OTUD7A: variants seen among roughly 807,000 people sequenced by gnomAD.
OTUD7A encodes OTU deubiquitinase 7A, also known as OTU domain-containing protein 7A.
Under a neutral mutation model 65.7 loss-of-function variants are expected in OTUD7A, and 12 were observed. The ratio of observed to expected loss-of-function variants is 0.18; its 90% CI spans 0.12 to 0.30. OTUD7A has a LOEUF of 0.30. Among genes scored for constraint, OTUD7A ranks in the 10% least tolerant of loss-of-function variants. OTUD7A has a pLI of 1.00. For missense variants in OTUD7A, 1,148 were observed against 1,304.8 expected (o/e 0.88, Z 1.85); for synonymous variants, 641 against 586.3 (o/e 1.09, Z -1.35).
intron 7 of OTUD7A, 28 bp from the exon 8 acceptor site, chr15:31,526,489 G>C (rs1009559683): frequency 3.7e-5 from 57 of 1,523,082 alleles, no homozygotes; most frequent in Non-Finnish European, 4.7e-5. Context: ...GCTCAGAAGG[G>C]GGGTGGGCCA....
intron 3 of OTUD7A, among the ~76,000 whole-genome samples, chr15:31,572,913 C>T (rs1889095489): frequency 6.6e-6 from 1 of 151,512 alleles, no homozygotes; most frequent in Non-Finnish European, 1.5e-5. Context: ...CCAACATACT[C>T]ATAATTTGAG....
Position 31,483,915 on chromosome 15 carries a change from C to A in OTUD7A, c.2181G>T (p.Lys727Asn). The change falls in exon 13 of 13, where the codon AAG (lysine) becomes AAT (asparagine). Residue 727 changes from lysine to asparagine, a missense_variant. By Grantham distance (94) the Lys-to-Asn change is moderately conservative. Around this residue, in one of 6 missense-constraint regions of OTUD7A, gnomAD observed 842 missense variants for 769.5 expected, o/e 1.09. Transcript: ENST00000307050. Reference protein sequence around the residue: ...SPGPPTQLVLKLKERPSPGPA... With the variant: ...SPGPPTQLVLNLKERPSPGPA... ...GCCCGGGGCTCGGCCGCTCCTTGAG[C>A]TTGAGCACCAGCTGCGTGGGTGGGC... 9.4e-7 allele frequency: 1 copy of A among 1,068,068 alleles called. No homozygotes were observed. The highest frequency in any genetic ancestry group is 3.0e-5 in the South Asian group (1 of 33,160). The allele number at this position is 1,068,068 out of a possible 1,614,324, so 66.2% of individuals were successfully genotyped here. A position where few individuals can be genotyped will look rare whatever the true frequency, so the allele number is the denominator to read the frequency against.
intron 5 of OTUD7A, among the ~76,000 whole-genome samples, chr15:31,533,425 T>G (rs569632756): frequency 1.3e-5 from 2 of 151,974 alleles, no homozygotes. Flanking sequence ...TTAGTAGAGA[T>G]AGAGTTTTAC....
intron 3 of OTUD7A, among the ~76,000 whole-genome samples, chr15:31,571,134 C>G (rs1013948703): frequency 6.6e-6 from 1 of 152,118 alleles, no homozygotes; most frequent in African/African-American, 2.4e-5. Context: ...ATCAAAATAT[C>G]ACATCTGCCC....
intron 5 of OTUD7A, among the ~76,000 whole-genome samples, chr15:31,549,786 C>A (rs1888259109): frequency 6.6e-6 from 1 of 152,146 alleles, no homozygotes; most frequent in Non-Finnish European, 1.5e-5. Flanking sequence ...AAGCAGTAAA[C>A]AACTTCACTG....
intron 1 of OTUD7A, among the ~76,000 whole-genome samples, chr15:31,827,995 T>A (rs1210025391): frequency 6.6e-6 from 1 of 152,168 alleles, no homozygotes; most frequent in African/African-American, 2.4e-5. Context: ...TGTGGTCCTA[T>A]CCTGTCCATG....
At chr15:31,856,312 G>T (rs2141010480) in intron 1 of OTUD7A, among the ~76,000 whole-genome samples, 1 of 152,282 alleles carries the variant, frequency 6.6e-6, no homozygotes, top group South Asian at 2.1e-4. Context: ...ATGCCTCCTG[G>T]GAAAGGCATG....
rs58276599 is a variant in OTUD7A at position 31,589,463 on chromosome 15, G to GTTTTTTTT, written c.152-19274_152-19267dup. 6.0e-5 allele frequency among the ~76,000 whole-genome samples: 7 copies of GTTTTTTTT among 116,348 alleles called. 1 individual carries two copies. Among genetic ancestry groups the GTTTTTTTT allele is most frequent in the African/African-American group, 1.4e-4 (4 of 28,786 alleles). 76.3% of individuals were successfully genotyped at this position (116,348 alleles called of 152,430 possible). On this transcript the variant is annotated intron_variant, in intron 3 of 12. Transcript: ENST00000307050. ...TACAGGTGTCCACTGTCCTGGGCTT[G>GTTTTTTTT]TTTTTTTTTTTTTTTTTTCTGTAGA...
In OTUD7A at chr15:31,487,165, A is replaced by C. The variant is rs773456648; in HGVS notation, c.1371+29T>G. Reference sequence around the variant, plus strand: ...GCTGAGCAGCCTGGACCCTGCTGCCAGGTCTGGTCCCAGCACAGCCAGGCT... The same window carrying C: ...GCTGAGCAGCCTGGACCCTGCTGCCCGGTCTGGTCCCAGCACAGCCAGGCT... On this transcript the variant is annotated intron_variant, in intron 12 of 12. Coordinates refer to ENST00000307050, the MANE Select transcript of OTUD7A (RefSeq NM_001382637.1). The surrounding 1 kb of genome is among the most constrained non-coding windows in gnomAD (Gnocchi z 6.0). 4 of 1,601,088 alleles carry C rather than the reference A, an allele frequency of 2.5e-6. No homozygotes were observed. The South Asian group carries it at 4.4e-5, about 18-fold the overall frequency.
Position 31,483,839 on chromosome 15 carries a change from C to T in OTUD7A, c.2257G>A (p.Gly753Arg), listed in dbSNP as rs1250031637. The T allele has an allele frequency of 6.1e-6, 6 of 984,374 alleles. No individual in the cohort carries two copies. The African/African-American group carries it at 8.9e-5, about 15-fold the overall frequency. The allele number at this position is 984,374 out of a possible 1,614,324, so 61.0% of individuals were successfully genotyped here. The change falls in exon 13 of 13, where the codon GGG becomes AGG. Residue 753 changes from glycine (G) to arginine (R), a missense_variant. By Grantham distance (125) the Gly-to-Arg change is moderately radical. Around this residue, in one of 6 missense-constraint regions of OTUD7A, gnomAD observed 842 missense variants for 769.5 expected, o/e 1.09. Transcript: ENST00000307050. ...RAAAGGTASPGGGARRASASG... is the reference protein window; with the variant it reads ...RAAAGGTASPRGGARRASASG... ...GCGCTCGCACGCCGCGCGCCTCCCC[C>T]CGGGGAGGCCGTGCCGCCCGCCGCC...
chr15:31,496,724 G>A (rs2041390055), intron 10 of OTUD7A, among the ~76,000 whole-genome samples: 1 of 152,174 alleles, frequency 6.6e-6, no homozygotes, highest in African/African-American at 2.4e-5. Context: ...GAATAGTAGA[G>A]CATAGGTGAG....
intron 10 of OTUD7A, among the ~76,000 whole-genome samples, chr15:31,495,343 C>A (rs1190318547): frequency 6.6e-6 from 1 of 152,230 alleles, no homozygotes; most frequent in Non-Finnish European, 1.5e-5. Flanking sequence ...GCTCTCTGGG[C>A]ACCTGCCCAC....
At chr15:31,578,929 C>T (rs1337579735) in intron 3 of OTUD7A, among the ~76,000 whole-genome samples, 2 of 152,186 alleles carry the variant, frequency 1.3e-5, no homozygotes, top group Admixed American at 6.5e-5. Context: ...GCCCCAACCA[C>T]CTTGGGCACA....
chr15:31,839,177 G>A (rs1172137385), intron 1 of OTUD7A, among the ~76,000 whole-genome samples: 2 of 152,206 alleles, frequency 1.3e-5, no homozygotes, highest in African/African-American at 4.8e-5. Context: ...CTGGGGAAAG[G>A]GGCACCCTCG....
At chr15:31,559,888 T>C (rs1414423924) in intron 4 of OTUD7A, among the ~76,000 whole-genome samples, 2 of 152,222 alleles carry the variant, frequency 1.3e-5, no homozygotes, top group Non-Finnish European at 2.9e-5. Flanking sequence ...AGCCCTTATA[T>C]CCTACAAGCC....
intron 3 of OTUD7A, among the ~76,000 whole-genome samples, chr15:31,596,639 T>G (rs28895307): frequency 0.017 from 2,636 of 152,306 alleles, 40 homozygotes; most frequent in Non-Finnish European, 0.027. Context: ...TTCTAATACT[T>G]CGTATTGTCA....
intron 1 of OTUD7A, among the ~76,000 whole-genome samples, chr15:31,837,605 T>C (rs766616937): frequency 6.6e-5 from 10 of 152,166 alleles, no homozygotes; most frequent in Non-Finnish European, 1.5e-4. Flanking sequence ...AAACATGTAT[T>C]GGACTTGTAT....
intron 3 of OTUD7A, among the ~76,000 whole-genome samples, chr15:31,653,874 T>C (rs990982899): frequency 1.3e-5 from 2 of 150,880 alleles, no homozygotes; most frequent in Non-Finnish European, 3.0e-5. Flanking sequence ...ACCACAAGCA[T>C]GGTCTTCTAT....
chr15:31,698,332 A>C (rs532716008), intron 1 of OTUD7A, among the ~76,000 whole-genome samples: 1 of 152,324 alleles, frequency 6.6e-6, no homozygotes, highest in Non-Finnish European at 1.5e-5. Flanking sequence ...TTCTGCAAAG[A>C]GACCGGCAAG....
Sources: allele counts gnomAD v4.1 joint callset (sites outside exome capture counted in the v4.1 genomes callset), GRCh38; gene constraint gnomAD v4.1.1; regional missense constraint gnomAD v4.1.1; non-coding constraint Gnocchi (gnomAD v3.1); transcripts MANE v1.5; gene names NCBI Gene and HGNC (gene_info 2026-07-23, HGNC 2026-07-21).